The following GRK5 variants were observed in gnomAD, a reference collection of about 807,000 sequenced individuals.
GRK5 encodes g protein-coupled receptor kinase GRK5.
Under a neutral mutation model 78.4 loss-of-function variants are expected in GRK5, and 40 were observed. That is an observed-to-expected ratio of 0.51 (90% confidence interval 0.40 to 0.66). The LOEUF (loss-of-function observed/expected upper bound fraction) is 0.66, where lower values mean the gene tolerates loss of function less well. Among genes scored for constraint, GRK5 ranks in the 30% least tolerant of loss-of-function variants. The pLI is 0.00. For synonymous variants in GRK5, 289 were observed against 296.8 expected, an observed-to-expected ratio of 0.97 and a Z score of 0.27; for missense variants, 598 against 759.9, an observed-to-expected ratio of 0.79 and a Z score of 2.50.
chr10:119,417,943 T>C (rs1006997758), intron 4 of GRK5, among the ~76,000 whole-genome samples: 22 of 152,182 alleles, frequency 1.4e-4, no homozygotes, highest in African/African-American at 4.6e-4. Context: ...ATTCTGGTCA[T>C]CACAGATATC....
At chr10:119,219,179 T>C (rs1032307790) in intron 1 of GRK5, among the ~76,000 whole-genome samples, 2 of 152,172 alleles carry the variant, frequency 1.3e-5, no homozygotes, top group Admixed American at 6.5e-5. Flanking sequence ...TGAGCCACCA[T>C]GCCCGGCCCA....
chr10:119,296,966 G>A (rs1196359787), intron 1 of GRK5, among the ~76,000 whole-genome samples: 1 of 152,206 alleles, frequency 6.6e-6, no homozygotes, highest in Non-Finnish European at 1.5e-5. Context: ...ATTCTGTCCT[G>A]GTATCTGGTG....
rs575455878 is a variant in GRK5 at position 119,266,454 on chromosome 10, C to T, written c.52+58485C>T. Among the ~76,000 whole-genome samples, 290 of 151,716 alleles carry T rather than the reference C, an allele frequency of 1.9e-3. 2 individuals are homozygous for T. The highest frequency in any genetic ancestry group is 6.8e-3 in the African/African-American group (280 of 41,386). Reference sequence around the variant, plus strand: ...CTCCAGCCTGGGCAACAGAGCTAGACTCCGTCTCAAAAAAAAAAAGAAATG... The same window carrying T: ...CTCCAGCCTGGGCAACAGAGCTAGATTCCGTCTCAAAAAAAAAAAGAAATG... On this transcript the variant is annotated intron_variant, in intron 1 of 15. Transcript: ENST00000392870.
intron 1 of GRK5, among the ~76,000 whole-genome samples, chr10:119,243,879 A>G (rs1426533652): frequency 6.6e-6 from 1 of 152,244 alleles, no homozygotes; most frequent in African/African-American, 2.4e-5. Flanking sequence ...CCTGAGTGGT[A>G]GGAGCCTAGA....
chr10:119,433,119 C>G (rs947729407), intron 8 of GRK5, among the ~76,000 whole-genome samples: 1 of 152,152 alleles, frequency 6.6e-6, no homozygotes, highest in African/African-American at 2.4e-5. Context: ...AGTGGCACTC[C>G]CAGAGGATGG....
intron 2 of GRK5, among the ~76,000 whole-genome samples, chr10:119,329,603 G>A (rs1850733391): frequency 6.6e-6 from 1 of 152,118 alleles, no homozygotes; most frequent in African/African-American, 2.4e-5. Flanking sequence ...GGTGGCGCAT[G>A]CCTGTAATCC....
chr10:119,359,831 G>T (rs772225270), intron 2 of GRK5, among the ~76,000 whole-genome samples: 3 of 152,210 alleles, frequency 2.0e-5, no homozygotes, highest in Non-Finnish European at 2.9e-5. Flanking sequence ...TTCCCGGGGG[G>T]GAGGTGTGGG....
intron 1 of GRK5, among the ~76,000 whole-genome samples, chr10:119,322,329 A>G (rs1056428398): frequency 2.6e-5 from 4 of 152,114 alleles, no homozygotes; most frequent in African/African-American, 9.7e-5. Flanking sequence ...ATTTAACCAC[A>G]TCCTTGGCCT....
chr10:119,254,291 A>G (rs1849246255), intron 1 of GRK5, among the ~76,000 whole-genome samples: 4 of 151,926 alleles, frequency 2.6e-5, no homozygotes, highest in Admixed American at 2.6e-4. Flanking sequence ...CACAGCTAGA[A>G]CTCAAATCCT....
intron 3 of GRK5, among the ~76,000 whole-genome samples, chr10:119,381,305 T>C (rs1273149952): frequency 6.6e-6 from 1 of 152,246 alleles, no homozygotes; most frequent in Non-Finnish European, 1.5e-5. Flanking sequence ...ATTCCAAAGC[T>C]TTTGTCTGTT....
intron 2 of GRK5, among the ~76,000 whole-genome samples, chr10:119,357,918 C>T (rs144435022): frequency 6.4e-4 from 97 of 152,258 alleles, no homozygotes; most frequent in Middle Eastern, 3.4e-3. Context: ...GGACAAGGTG[C>T]AGCGGCAGCC....
chr10:119,340,422 C>T (rs1850964532), intron 2 of GRK5, among the ~76,000 whole-genome samples: 1 of 152,176 alleles, frequency 6.6e-6, no homozygotes, highest in Admixed American at 6.5e-5. Context: ...GCCACCATGC[C>T]CAGCCCCAAA....
At chr10:119,255,837 C>A (rs941112472) in intron 1 of GRK5, among the ~76,000 whole-genome samples, 1 of 152,142 alleles carries the variant, frequency 6.6e-6, no homozygotes, top group Non-Finnish European at 1.5e-5. Flanking sequence ...TGGCTTTGCC[C>A]TCGAGAGCTG....
intron 4 of GRK5, 124 bp downstream of exon 4, chr10:119,396,896 C>T (rs1852064568): frequency 1.6e-5 from 12 of 766,312 alleles, no homozygotes; most frequent in Non-Finnish European, 2.3e-5. Flanking sequence ...CTGTTGTTGA[C>T]CTCCTGAGAT....
rs1042262009 is a variant in GRK5, at chr10:119,253,605, G to A, written c.52+45636G>A. Among the ~76,000 whole-genome samples the A allele has an allele frequency of 7.9e-5, 12 of 152,204 alleles. No individual in the cohort carries two copies. The highest frequency in any genetic ancestry group is 2.4e-4 in the African/African-American group (10 of 41,456). ...CTTCAGCCCGGCGCACACCCAGCTC[G>A]TTTGGAGGTCACGGCTCACCATAAA... On this transcript the variant is annotated intron_variant, in intron 1 of 15. Coordinates refer to ENST00000392870, the MANE Select transcript of GRK5 (RefSeq NM_005308.3). The surrounding 1 kb of genome is among the most constrained non-coding windows in gnomAD (Gnocchi z 5.7).
At chr10:119,387,782 G>A (rs1423818884) in intron 3 of GRK5, among the ~76,000 whole-genome samples, 2 of 152,154 alleles carry the variant, frequency 1.3e-5, no homozygotes, top group African/African-American at 2.4e-5. Context: ...TTGGGATTGA[G>A]GGATGTTTGG....
intron 2 of GRK5, among the ~76,000 whole-genome samples, chr10:119,366,966 T>A (rs2133816065): frequency 6.6e-6 from 1 of 152,348 alleles, no homozygotes; most frequent in Admixed American, 6.5e-5. Flanking sequence ...TTTAGGCATC[T>A]AAAATGTGGG....
In GRK5 at chr10:119,267,251, A is replaced by T. The variant is rs1294063401; in HGVS notation, c.53-59265A>T. Reference sequence around the variant, plus strand: ...AGAGCGAAACTCTGTCTCAAAAAAAAAAAATTCTTTTTGCAGTGACAGGGT... The same window carrying T: ...AGAGCGAAACTCTGTCTCAAAAAAATAAAATTCTTTTTGCAGTGACAGGGT... On this transcript the variant is annotated intron_variant, in intron 1 of 15. Coordinates refer to ENST00000392870, the MANE Select transcript of GRK5 (RefSeq NM_005308.3). This position sits in a 1 kb window ranked among gnomAD's most constrained non-coding sequence, Gnocchi z 4.1. Among the ~76,000 whole-genome samples, 1 of 152,060 alleles carries T rather than the reference A, an allele frequency of 6.6e-6. No individual in the cohort carries two copies.
chr10:119,233,840 C>T (rs747652068), intron 1 of GRK5, among the ~76,000 whole-genome samples: 3 of 152,176 alleles, frequency 2.0e-5, no homozygotes, highest in Non-Finnish European at 4.4e-5. Flanking sequence ...ACAAAGAATA[C>T]AATCCTTAAC....
Sources: allele counts gnomAD v4.1 joint callset (sites outside exome capture counted in the v4.1 genomes callset), GRCh38; gene constraint gnomAD v4.1.1; non-coding constraint Gnocchi (gnomAD v3.1); transcripts MANE v1.5; gene names NCBI Gene and HGNC (gene_info 2026-07-23, HGNC 2026-07-21).